Variants in CACNA2D1 observed in about 807,000 individuals in gnomAD.
CACNA2D1 encodes calcium voltage-gated channel auxiliary subunit alpha2delta 1.
In CACNA2D1, 53 loss-of-function variants were observed where a neutral mutation model predicts 171.5. The observed-to-expected ratio is 0.31, with a 90% CI of 0.25 to 0.39. CACNA2D1 has a LOEUF of 0.39. Ranked by LOEUF, CACNA2D1 falls within the 10% of genes least tolerant of loss-of-function variation. The pLI is 1.00. For synonymous variants in CACNA2D1, 442 were observed against 443.1 expected (o/e 1.00, Z 0.03); for missense variants, 903 against 1,299.8 (o/e 0.69, Z 4.69).
In CACNA2D1 at chr7:81,974,453, A is replaced by T; in HGVS notation, c.2053+2T>A. ...AATCATTTTGAATTAATGCATACTT[A>T]CATGATGGGTTGTTTGGAGTTTTTC... On this transcript the variant is annotated splice_donor_variant, in intron 25 of 38. Transcript: ENST00000356860. LOFTEE classifies it high-confidence loss of function. The T allele has an allele frequency of 6.9e-7, 1 of 1,439,958 alleles. No homozygotes were observed. Among genetic ancestry groups the T allele is most frequent in the Non-Finnish European group, 9.8e-7 (1 of 1,023,452 alleles). 89.2% of individuals were successfully genotyped at this position (1,439,958 alleles called of 1,614,324 possible). A position where few individuals can be genotyped will look rare whatever the true frequency, so the allele number is the denominator to read the frequency against.
At chr7:81,986,725 G>A (rs989772046) in intron 21 of CACNA2D1, among the ~76,000 whole-genome samples, 5 of 152,152 alleles carry the variant, frequency 3.3e-5, no homozygotes, top group African/African-American at 9.6e-5. Flanking sequence ...AAAATGTTAT[G>A]TAGACTTAAT....
intron 4 of CACNA2D1, among the ~76,000 whole-genome samples, chr7:82,151,295 C>G (rs781600978): frequency 2.6e-5 from 4 of 152,068 alleles, no homozygotes; most frequent in Non-Finnish European, 2.9e-5. Context: ...TAAATGCAAT[C>G]TTTTCTTTTC....
intron 1 of CACNA2D1, among the ~76,000 whole-genome samples, chr7:82,350,570 C>T (rs182286485): frequency 2.0e-5 from 3 of 152,136 alleles, no homozygotes; most frequent in African/African-American, 7.2e-5. Flanking sequence ...GAGGCTGAGA[C>T]AGGAGAATGG....
intron 1 of CACNA2D1, among the ~76,000 whole-genome samples, chr7:82,389,784 T>C (rs916388933): frequency 3.3e-5 from 5 of 152,202 alleles, no homozygotes; most frequent in Admixed American, 1.3e-4. Context: ...ATATCCTTAA[T>C]AAACTTAAAA....
At chr7:82,236,423 A>C (rs940405127) in intron 3 of CACNA2D1, among the ~76,000 whole-genome samples, 4 of 152,054 alleles carry the variant, frequency 2.6e-5, no homozygotes, top group African/African-American at 9.7e-5. Flanking sequence ...TACTCTAGAC[A>C]TGCATAACTA....
intron 14 of CACNA2D1, among the ~76,000 whole-genome samples, chr7:82,013,087 T>A (rs1799997575): frequency 6.6e-6 from 1 of 152,022 alleles, no homozygotes; most frequent in African/African-American, 2.4e-5. Context: ...TTGTCCAGCA[T>A]AATTAGTGTT....
At chr7:82,383,139 C>T (rs1478578068) in intron 1 of CACNA2D1, among the ~76,000 whole-genome samples, 1 of 152,118 alleles carries the variant, frequency 6.6e-6, no homozygotes. Context: ...AGAACACAGC[C>T]TTGAACAAGA....
chr7:82,442,226 C>T (rs1037748226), intron 1 of CACNA2D1, among the ~76,000 whole-genome samples: 19 of 152,154 alleles, frequency 1.2e-4, no homozygotes, highest in Non-Finnish European at 2.6e-4. Context: ...TAAAGATTCA[C>T]TGTTACTTTC....
chr7:81,966,291 T>C (rs531100603), intron 31 of CACNA2D1, among the ~76,000 whole-genome samples: 1 of 151,726 alleles, frequency 6.6e-6, no homozygotes, highest in African/African-American at 2.4e-5. Flanking sequence ...ATAATTTGTA[T>C]TGAATAAAAA....
intron 7 of CACNA2D1, among the ~76,000 whole-genome samples, chr7:82,077,873 T>C (rs1809194852): frequency 6.6e-6 from 1 of 152,036 alleles, no homozygotes; most frequent in African/African-American, 2.4e-5. Context: ...TGGCTAAAAA[T>C]AGATCGAACG....
At chr7:82,003,838 G>A (rs978085705) in intron 18 of CACNA2D1, among the ~76,000 whole-genome samples, 1 of 150,180 alleles carries the variant, frequency 6.7e-6, no homozygotes, top group Non-Finnish European at 1.5e-5. Flanking sequence ...TCCGCCTCCC[G>A]GGTTCAAGAG....
intron 3 of CACNA2D1, among the ~76,000 whole-genome samples, chr7:82,215,687 T>C (rs1446472625): frequency 1.3e-5 from 2 of 152,156 alleles, no homozygotes; most frequent in African/African-American, 4.8e-5. Context: ...TTTTAATTAA[T>C]ACTTCTTTAA....
At chr7:82,120,318 T>C (rs1386112172) in intron 5 of CACNA2D1, among the ~76,000 whole-genome samples, 1 of 152,214 alleles carries the variant, frequency 6.6e-6, no homozygotes, top group Non-Finnish European at 1.5e-5. Flanking sequence ...TCCTGGTTTT[T>C]TGTAGTTTTT....
intron 3 of CACNA2D1, among the ~76,000 whole-genome samples, chr7:82,239,944 A>G (rs1804055059): frequency 6.6e-6 from 1 of 152,168 alleles, no homozygotes; most frequent in Non-Finnish European, 1.5e-5. Flanking sequence ...TGCTCTTTCC[A>G]TGGTCTATGG....
intron 6 of CACNA2D1, among the ~76,000 whole-genome samples, chr7:82,089,930 T>G (rs1023985521): frequency 1.3e-5 from 2 of 152,184 alleles, no homozygotes; most frequent in African/African-American, 4.8e-5. Flanking sequence ...TGGCACCATA[T>G]GACTATTTGA....
intron 24 of CACNA2D1, among the ~76,000 whole-genome samples, chr7:81,978,484 AAAAC>A (rs1796084173): frequency 6.6e-6 from 1 of 152,088 alleles, no homozygotes; most frequent in Non-Finnish European, 1.5e-5. Context: ...CAGGAACAGA[AAAAC>A]AAACACCGCA....
intron 4 of CACNA2D1, among the ~76,000 whole-genome samples, chr7:82,141,136 ATATATAT>A (rs1191173338): frequency 2.6e-5 from 4 of 152,146 alleles, no homozygotes; most frequent in Admixed American, 2.6e-4. Flanking sequence ...CTATTTAGAA[ATATATAT>A]TAAGATATGT....
At chr7:82,417,995 C>G (rs1428454236) in intron 1 of CACNA2D1, among the ~76,000 whole-genome samples, 1 of 152,172 alleles carries the variant, frequency 6.6e-6, no homozygotes, top group East Asian at 1.9e-4. Flanking sequence ...ATGTATTAGA[C>G]TGTTCTCAAG....
At chr7:81,985,845 C>T (rs1011832765) in intron 21 of CACNA2D1, among the ~76,000 whole-genome samples, 1 of 152,142 alleles carries the variant, frequency 6.6e-6, no homozygotes, top group Non-Finnish European at 1.5e-5. Flanking sequence ...CAGTGAAAAT[C>T]TTAGGCCAAA....
Sources: allele counts gnomAD v4.1 joint callset (sites outside exome capture counted in the v4.1 genomes callset), GRCh38; gene constraint gnomAD v4.1.1; transcripts MANE v1.5; gene names NCBI Gene and HGNC (gene_info 2026-07-23, HGNC 2026-07-21).